The following CLHC1 variants were observed in gnomAD, a reference collection of about 807,000 sequenced individuals.
The protein encoded by CLHC1 is clathrin heavy chain linker domain containing 1, also known as clathrin heavy chain linker domain-containing protein 1.
Under a neutral mutation model 69.5 loss-of-function variants are expected in CLHC1, and 72 were observed. The ratio of observed to expected loss-of-function variants is 1.04; its 90% CI spans 0.86 to 1.26. CLHC1 has a LOEUF of 1.26. CLHC1 is among the 50% of genes most tolerant of loss of function. The pLI, the probability that CLHC1 is intolerant of heterozygous loss-of-function variation, is 0.00. For missense variants in CLHC1, 790 were observed against 679.3 expected (o/e 1.16, Z -1.81); for synonymous variants, 223 against 224.3 (o/e 0.99, Z 0.05).
chr2:55,215,745 G>A (rs370860554), intron 4 of CLHC1, among the ~76,000 whole-genome samples: 1 of 152,032 alleles, frequency 6.6e-6, no homozygotes, highest in African/African-American at 2.4e-5. Flanking sequence ...GAAAATTATG[G>A]TCACTAGCTT....
At chr2:55,193,902 AAATGCAGTACATTCATAC>A (rs1317553321) in intron 9 of CLHC1, among the ~76,000 whole-genome samples, 6 of 152,368 alleles carry the variant, frequency 3.9e-5, no homozygotes, top group African/African-American at 1.4e-4. Context: ...TGTATAGACA[AAATGCAGTACATTCATAC>A]AATGGAATAC....
intron 1 of CLHC1, among the ~76,000 whole-genome samples, chr2:55,229,000 A>C (rs1674986331): frequency 6.6e-6 from 1 of 152,006 alleles, no homozygotes; most frequent in African/African-American, 2.4e-5. Context: ...AGAATATAAA[A>C]ATTAGCTGGG....
At chr2:55,197,047 G>A (rs954397915) in intron 9 of CLHC1, among the ~76,000 whole-genome samples, 1 of 152,156 alleles carries the variant, frequency 6.6e-6, no homozygotes, top group African/African-American at 2.4e-5. Context: ...CTGAACATTG[G>A]TGGTAGCCTG....
intron 4 of CLHC1, among the ~76,000 whole-genome samples, chr2:55,216,618 C>A (rs573718280): frequency 6.6e-6 from 1 of 151,842 alleles, no homozygotes; most frequent in Non-Finnish European, 1.5e-5. Flanking sequence ...TCATTTGTAT[C>A]CATCTCTCAA....
At chr2:55,200,992 G>A (rs1671893466) in intron 9 of CLHC1, among the ~76,000 whole-genome samples, 1 of 151,862 alleles carries the variant, frequency 6.6e-6, no homozygotes, top group Non-Finnish European at 1.5e-5. Flanking sequence ...AACAATAATG[G>A]AAACACAACA....
In CLHC1 at chr2:55,196,207, A is replaced by C. The variant is rs899827522; in HGVS notation, c.1006+10063T>G. 1.6e-4 allele frequency among the ~76,000 whole-genome samples: 25 copies of C among 152,240 alleles called. 1 individual carries two copies. The highest frequency in any genetic ancestry group is 5.8e-4 in the African/African-American group (24 of 41,530). ...AATTTGAGTTCTGGCAAGCCTCACC[A>C]CCACAGGCTCAAGTGCTTTGGGGTC... On this transcript the variant is annotated intron_variant, in intron 9 of 12. Transcript: ENST00000401408.
At chr2:55,225,855 G>C (rs1426013509) in intron 2 of CLHC1, 1 of 152,234 alleles carries the variant, frequency 6.6e-6, no homozygotes, top group Non-Finnish European at 1.5e-5. Context: ...GTCTTTGTAA[G>C]TACTCAAGGC....
intron 4 of CLHC1, among the ~76,000 whole-genome samples, chr2:55,216,942 G>A (rs772719128): frequency 5.9e-5 from 9 of 152,150 alleles, no homozygotes; most frequent in Non-Finnish European, 1.0e-4. Context: ...GAGCTCACAA[G>A]TTGGAGACCA....
chr2:55,198,061 G>A (rs191388117), intron 9 of CLHC1, among the ~76,000 whole-genome samples: 2 of 152,284 alleles, frequency 1.3e-5, no homozygotes, highest in Non-Finnish European at 2.9e-5. Flanking sequence ...CAATTGACAT[G>A]CTGAAGAATG....
chr2:55,229,148 C>G (rs1297182102), intron 1 of CLHC1, among the ~76,000 whole-genome samples: 2 of 12,862 alleles, frequency 1.6e-4, no homozygotes, highest in Admixed American at 2.7e-3. Flanking sequence ...GAGATTCTGT[C>G]TCAAAAAAAA....
At chr2:55,199,166 G>A (rs1573665749) in intron 9 of CLHC1, among the ~76,000 whole-genome samples, 1 of 151,684 alleles carries the variant, frequency 6.6e-6, no homozygotes, top group African/African-American at 2.4e-5. Context: ...GTGTGGCAGG[G>A]TGCACCTGTA....
At chr2:55,200,117 G>A (rs1248603646) in intron 9 of CLHC1, among the ~76,000 whole-genome samples, 2 of 151,258 alleles carry the variant, frequency 1.3e-5, no homozygotes, top group Non-Finnish European at 2.9e-5. Flanking sequence ...CCAGCTACTT[G>A]ACAGGGTGAG....
chr2:55,177,569 A>C (rs762142643), intron 12 of CLHC1, 33 bp downstream of exon 12: 1 of 1,495,946 alleles, frequency 6.7e-7, no homozygotes, highest in Admixed American at 1.9e-5. Flanking sequence ...ATAACCCACT[A>C]CTATTTCTCC....
At chr2:55,199,749 A>T (rs1671762132) in intron 9 of CLHC1, among the ~76,000 whole-genome samples, 1 of 152,204 alleles carries the variant, frequency 6.6e-6, no homozygotes, top group Non-Finnish European at 1.5e-5. Flanking sequence ...GGACACTCAA[A>T]AAATAAAAAG....
In CLHC1 at chr2:55,177,747, T is replaced by G; in HGVS notation, c.1419A>C (p.Gln473His). Residue 473 changes from glutamine to histidine, a missense_variant, in exon 12 of 13, where the codon CAA becomes CAC. Transcript: ENST00000401408. The part of the protein sequence containing the change: ...DLLQLLMSCP[Q>H]VELIQCLTKE... ...TAGTGAGACACTGAATTAATTCAACTTGGGGACATGACATTAATAGCTGCA... is the reference window on the plus strand; with the variant it reads ...TAGTGAGACACTGAATTAATTCAACGTGGGGACATGACATTAATAGCTGCA... 2 of 1,611,676 alleles carry G rather than the reference T, an allele frequency of 1.2e-6. No individual in the cohort carries two copies. Among genetic ancestry groups the G allele is most frequent in the Non-Finnish European group, 1.7e-6 (2 of 1,178,908 alleles).
chr2:55,173,398 T>C lies in CLHC1; in HGVS notation c.*2392A>G, dbSNP rs887819275. Among the ~76,000 whole-genome samples the C allele has an allele frequency of 6.6e-6, 1 of 152,250 alleles. No individual in the cohort carries two copies. The highest frequency in any genetic ancestry group is 1.5e-5 in the Non-Finnish European group (1 of 68,040). On this transcript the variant is annotated 3_prime_UTR_variant, in exon 13 of 13. Coordinates refer to ENST00000401408, the MANE Select transcript of CLHC1 (RefSeq NM_152385.4). ...CAAAACAGGTATTCGGTAGATGTTG[T>C]TGATGCTGATGTTGAATTGTAGTAT...
intron 9 of CLHC1, among the ~76,000 whole-genome samples, chr2:55,198,489 C>T (rs1573663098): frequency 6.6e-6 from 1 of 152,000 alleles, no homozygotes; most frequent in South Asian, 2.1e-4. Context: ...GGAGGCTGAG[C>T]CAGGAGAATC....
intron 9 of CLHC1, among the ~76,000 whole-genome samples, chr2:55,201,255 A>AT (rs1454310732): frequency 3.3e-5 from 5 of 151,080 alleles, no homozygotes; most frequent in Non-Finnish European, 4.4e-5. Context: ...AAAAAAAAAA[A>AT]TTGACAAATC....
Position 55,174,485 on chromosome 2 carries a change from G to A in CLHC1, c.*1305C>T, listed in dbSNP as rs920304566. 1.3e-5 allele frequency among the ~76,000 whole-genome samples: 2 copies of A among 152,268 alleles called. No homozygotes were observed. The highest frequency in any genetic ancestry group is 6.5e-5 in the Admixed American group (1 of 15,292). ...TAGAGAAATGTGTGTTTCTGGGGCC[G>A]ATTACAAAGGAATTACAGCTATCTT... On this transcript the variant is annotated 3_prime_UTR_variant, in exon 13 of 13. Transcript: ENST00000401408.
Sources: allele counts gnomAD v4.1 joint callset (sites outside exome capture counted in the v4.1 genomes callset), GRCh38; gene constraint gnomAD v4.1.1; transcripts MANE v1.5; gene names NCBI Gene and HGNC (gene_info 2026-07-23, HGNC 2026-07-21).